The following RANBP2 variants were observed in gnomAD, a reference collection of about 807,000 sequenced individuals.
RANBP2 encodes E3 SUMO-protein ligase RanBP2.
A neutral mutation model predicts 303.6 loss-of-function variants in RANBP2; 57 were observed. The observed-to-expected ratio is 0.19, with a 90% CI of 0.15 to 0.23. The LOEUF is 0.23. Among genes scored for constraint, RANBP2 ranks in the 10% least tolerant of loss-of-function variants. The pLI is 1.00. For synonymous variants in RANBP2, 1,167 were observed against 1,301.5 expected, an observed-to-expected ratio of 0.90 and a Z score of 2.23; for missense variants, 3,138 against 3,780.8, an observed-to-expected ratio of 0.83 and a Z score of 4.46.
chr2:108,961,769 G>A, the RANBP2 span, among the ~76,000 whole-genome samples: 1 of 152,134 alleles, frequency 6.6e-6, no homozygotes, highest in African/African-American at 2.4e-5. Context: ...ATCAGCCCAT[G>A]TGTTGGGTCT....
chr2:109,575,320 C>CA, the RANBP2 span, among the ~76,000 whole-genome samples: 2 of 152,192 alleles, frequency 1.3e-5, no homozygotes, highest in African/African-American at 4.8e-5. Flanking sequence ...ACATTTAAGT[C>CA]AAAGTCCATG....
rs753385182 is a variant in RANBP2, at chr2:108,749,080, C to G, written c.1224C>G (p.Asn408Lys). ...TTCTTGGTAGCGATGATATTGGAAA[C>G]ATTGATGTACGAGAACCAGAGCTTG... The part of the protein sequence containing the change: ...TSFLGSDDIG[N>K]IDVREPELED... The change falls in exon 9 of 29, where the codon AAC becomes AAG. Residue 408 changes from asparagine to lysine, a missense_variant. Around this residue, in one of 20 missense-constraint regions of RANBP2, gnomAD observed 95 missense variants for 86.4 expected, o/e 1.10. Coordinates refer to ENST00000283195, the MANE Select transcript of RANBP2 (RefSeq NM_006267.5). The G allele has an allele frequency of 2.5e-6, 4 of 1,611,788 alleles. No individual in the cohort carries two copies. Among genetic ancestry groups the G allele is most frequent in the Non-Finnish European group, 1.7e-6 (2 of 1,179,868 alleles).
the RANBP2 span, among the ~76,000 whole-genome samples, chr2:109,706,505 T>G: frequency 7.2e-5 from 11 of 152,304 alleles, no homozygotes; most frequent in East Asian, 2.1e-3. Context: ...TACTGATGCC[T>G]GCCCTGACCA....
At chr2:109,552,694 T>C in the RANBP2 span, 1 of 184,184 alleles carries the variant, frequency 5.4e-6, no homozygotes, top group Non-Finnish European at 1.1e-5. Flanking sequence ...TGTTTCTTCT[T>C]TTAGCCTTGG....
At chr2:109,574,672 G>C in the RANBP2 span, 1 of 1,610,128 alleles carries the variant, frequency 6.2e-7, no homozygotes. Flanking sequence ...ATGGATGCGA[G>C]AATCATGGTA....
At chr2:108,934,475 A>G in the RANBP2 span, among the ~76,000 whole-genome samples, 1 of 152,198 alleles carries the variant, frequency 6.6e-6, no homozygotes, top group Non-Finnish European at 1.5e-5. Flanking sequence ...CTGAGCTCCC[A>G]TATTTGTGAC....
At chr2:108,719,917 G>C (rs951276302) in intron 1 of RANBP2, among the ~76,000 whole-genome samples, 1 of 150,598 alleles carries the variant, frequency 6.6e-6, no homozygotes, top group Non-Finnish European at 1.5e-5. Flanking sequence ...GCTTGTTCCC[G>C]ACGCTTGTTC....
the RANBP2 span, among the ~76,000 whole-genome samples, chr2:109,654,230 C>G: frequency 6.6e-6 from 1 of 151,992 alleles, no homozygotes; most frequent in Non-Finnish European, 1.5e-5. Flanking sequence ...AGGTTCTACT[C>G]CCCTTACCTA....
the RANBP2 span, among the ~76,000 whole-genome samples, chr2:109,249,032 C>G: frequency 6.6e-6 from 1 of 152,094 alleles, no homozygotes; most frequent in South Asian, 2.1e-4. Flanking sequence ...TAGGTGCATG[C>G]CACCATGCCC....
chr2:108,753,739 T>G, intron 14 of RANBP2, 86 bp from the exon 15 acceptor site: 1 of 1,608,184 alleles, frequency 6.2e-7, no homozygotes, highest in Non-Finnish European at 8.5e-7. Context: ...TAGCTGGGAT[T>G]ACAGGCATGA....
the RANBP2 span, among the ~76,000 whole-genome samples, chr2:109,376,110 T>G: frequency 6.6e-6 from 1 of 152,152 alleles, no homozygotes; most frequent in Non-Finnish European, 1.5e-5. Flanking sequence ...GTGGTGGTGG[T>G]GTAAATGTTT....
chr2:109,276,163 G>A, the RANBP2 span, among the ~76,000 whole-genome samples: 1 of 152,180 alleles, frequency 6.6e-6, no homozygotes, highest in African/African-American at 2.4e-5. Flanking sequence ...TTAGGAGCAG[G>A]CATTCAACTT....
the RANBP2 span, among the ~76,000 whole-genome samples, chr2:109,016,066 G>A: frequency 0.013 from 1,922 of 149,608 alleles, 16 homozygotes; most frequent in South Asian, 0.027. Context: ...GGTAGGTGGT[G>A]TTATTGGTTT....
At chr2:108,950,226 T>TTCCTCCCTCCC in the RANBP2 span, among the ~76,000 whole-genome samples, 1 of 118,466 alleles carries the variant, frequency 8.4e-6, no homozygotes, top group South Asian at 3.3e-4. Flanking sequence ...CCTCCCTTCC[T>TTCCTCCCTCCC]TCCTCCCTCC....
chr2:109,615,481 C>A, the RANBP2 span: 6 of 1,613,410 alleles, frequency 3.7e-6, no homozygotes, highest in African/African-American at 1.3e-5. Flanking sequence ...CACCAGCTGC[C>A]GGTGAACATC....
chr2:109,637,944 C>G, the RANBP2 span, among the ~76,000 whole-genome samples: 1 of 152,108 alleles, frequency 6.6e-6, no homozygotes, highest in Non-Finnish European at 1.5e-5. Flanking sequence ...GGTGACAGAA[C>G]AAGACTCCAT....
chr2:108,853,883 A>G, the RANBP2 span, among the ~76,000 whole-genome samples: 1 of 124,012 alleles, frequency 8.1e-6, no homozygotes, highest in African/African-American at 3.2e-5. Flanking sequence ...TATATAATAT[A>G]TTATATAGTA....
At chr2:109,151,282 G>A in the RANBP2 span, among the ~76,000 whole-genome samples, 1 of 152,132 alleles carries the variant, frequency 6.6e-6, no homozygotes, top group Middle Eastern at 3.2e-3. Flanking sequence ...TTGTGGCCAT[G>A]GAAACAGACT....
chr2:109,639,534 G>A, the RANBP2 span, among the ~76,000 whole-genome samples: 1 of 151,644 alleles, frequency 6.6e-6, no homozygotes, highest in African/African-American at 2.4e-5. Flanking sequence ...CAGGAGAATC[G>A]CTTGAACCCA....
Sources: gnomAD v4.1 joint callset for allele counts (sites outside exome capture counted in the v4.1 genomes callset) on GRCh38, gnomAD v4.1.1 for gene constraint, gnomAD v4.1.1 regional missense constraint, MANE v1.5 for transcripts, NCBI Gene and HGNC (gene_info 2026-07-23, HGNC 2026-07-21) for gene names.